RAD51B: variants seen among roughly 807,000 people sequenced by gnomAD.
RAD51B encodes RAD51 paralog B.
A neutral mutation model predicts 42.2 loss-of-function variants in RAD51B; 38 were observed. The observed-to-expected ratio is 0.90, with a 90% CI of 0.70 to 1.18. The LOEUF (loss-of-function observed/expected upper bound fraction) is 1.18, where lower values mean the gene tolerates loss of function less well. RAD51B is among the 50% of genes most tolerant of loss of function. RAD51B has a pLI of 0.00. For synonymous variants in RAD51B, 154 were observed against 145.2 expected (o/e 1.06, Z -0.43); for missense variants, 373 against 400.7 (o/e 0.93, Z 0.59).
chr14:68,269,762 C>T (rs2081068893), intron 7 of RAD51B, among the ~76,000 whole-genome samples: 1 of 152,324 alleles, frequency 6.6e-6, no homozygotes, highest in South Asian at 2.1e-4. Context: ...AGCGGTTGCT[C>T]AGTAAACACA....
intron 8 of RAD51B, among the ~76,000 whole-genome samples, chr14:68,395,239 G>C (rs2083881712): frequency 6.6e-6 from 1 of 152,096 alleles, no homozygotes; most frequent in Non-Finnish European, 1.5e-5. Flanking sequence ...TATGAAATTA[G>C]CCTCTCTTAA....
chr14:68,315,159 A>G (rs2082030406), intron 8 of RAD51B, among the ~76,000 whole-genome samples: 1 of 152,236 alleles, frequency 6.6e-6, no homozygotes, highest in Non-Finnish European at 1.5e-5. Flanking sequence ...GGAAGAAGGA[A>G]TGCATATTCT....
chr14:68,657,273 G>A lies in RAD51B; in HGVS notation c.*11+6417G>A, dbSNP rs147384800. Among the ~76,000 whole-genome samples the A allele has an allele frequency of 6.8e-3, 1,041 of 152,262 alleles. 3 individuals carry two copies. Among genetic ancestry groups the A allele is most frequent in the Middle Eastern group, 0.041 (12 of 294 alleles). On this transcript the variant is annotated intron_variant, in intron 11 of 11. Coordinates refer to the RAD51B transcript ENST00000488612. Reference sequence around the variant, plus strand: ...CAGAGATCTAGGTTCAAATCCTGACGCTGCAGCTGAAACTTAGCACTTCAT... The same window carrying A: ...CAGAGATCTAGGTTCAAATCCTGACACTGCAGCTGAAACTTAGCACTTCAT...
chr14:68,579,043 C>A (rs1214426770), intron 10 of RAD51B, among the ~76,000 whole-genome samples: 1 of 152,118 alleles, frequency 6.6e-6, no homozygotes, highest in African/African-American at 2.4e-5. Flanking sequence ...CACAGTAGGG[C>A]CCAGAAGGGT....
At chr14:68,325,587 TA>T (rs199765729) in intron 8 of RAD51B, among the ~76,000 whole-genome samples, 1,391 of 137,992 alleles carry the variant, frequency 0.01, 22 homozygotes, top group African/African-American at 0.032. Context: ...TTTTTTTTTT[TA>T]AAAAGAGTTG....
intron 8 of RAD51B, among the ~76,000 whole-genome samples, chr14:68,404,114 C>A (rs1212320046): frequency 1.3e-5 from 2 of 152,154 alleles, no homozygotes; most frequent in Non-Finnish European, 2.9e-5. Flanking sequence ...ACAGAGACTT[C>A]TACAGGCTCA....
rs574292513 is a variant in RAD51B at position 67,843,431 on chromosome 14, A to G, written c.315+8235A>G. 11 of 152,178 alleles carry G rather than the reference A, an allele frequency of 7.2e-5. No homozygotes were observed. In the East Asian group the frequency reaches 1.2e-3, roughly 16 times the overall value. The allele number at this position is 152,178 out of a possible 1,614,324, so 9.4% of individuals were successfully genotyped here. Reference sequence around the variant, plus strand: ...TTGGAACATTGTCAGTAGGAATGGTATAAGTGCTTCTTTGTACATCTGGTA... The same window carrying G: ...TTGGAACATTGTCAGTAGGAATGGTGTAAGTGCTTCTTTGTACATCTGGTA... On this transcript the variant is annotated intron_variant, in intron 4 of 10. Coordinates refer to ENST00000471583, the MANE Select transcript of RAD51B (RefSeq NM_133510.4).
intron 7 of RAD51B, among the ~76,000 whole-genome samples, chr14:68,117,840 A>T (rs1839986990): frequency 6.6e-6 from 1 of 152,224 alleles, no homozygotes; most frequent in African/African-American, 2.4e-5. Flanking sequence ...CTTTACACTA[A>T]TCCAACGATG....
chr14:68,516,523 G>T (rs1594934396), intron 10 of RAD51B, among the ~76,000 whole-genome samples: 2 of 152,164 alleles, frequency 1.3e-5, no homozygotes, highest in Admixed American at 1.3e-4. Flanking sequence ...TAGTTATTTT[G>T]TTGGAAAAGG....
chr14:68,674,128 T>TAC (rs763722428), intron 11 of RAD51B, among the ~76,000 whole-genome samples: 1 of 151,944 alleles, frequency 6.6e-6, no homozygotes, highest in Non-Finnish European at 1.5e-5. Flanking sequence ...CATACACACA[T>TAC]ACACACACAT....
At chr14:68,121,750 T>C (rs954681215) in intron 7 of RAD51B, among the ~76,000 whole-genome samples, 1 of 152,078 alleles carries the variant, frequency 6.6e-6, no homozygotes, top group African/African-American at 2.4e-5. Context: ...GTGATTCAAC[T>C]AAAAAATTTA....
At chr14:68,441,541 CAAAA>C (rs67477807) in intron 9 of RAD51B, among the ~76,000 whole-genome samples, 101 of 68,038 alleles carry the variant, frequency 1.5e-3, no homozygotes, top group African/African-American at 5.7e-3. Context: ...GACTCCATCT[CAAAA>C]AAAAAAAAAA....
chr14:68,348,453 G>A (rs1202922182), intron 8 of RAD51B, among the ~76,000 whole-genome samples: 1 of 152,128 alleles, frequency 6.6e-6, no homozygotes, highest in African/African-American at 2.4e-5. Context: ...TGTGCTCTCA[G>A]GTTAAAATGG....
chr14:68,343,008 A>G (rs926343551), intron 8 of RAD51B, among the ~76,000 whole-genome samples: 10 of 151,760 alleles, frequency 6.6e-5, no homozygotes, highest in African/African-American at 2.4e-4. Context: ...TTATTTTTAA[A>G]TTTAAAATTG....
intron 9 of RAD51B, among the ~76,000 whole-genome samples, chr14:68,453,605 T>C (rs1008473085): frequency 1.3e-5 from 2 of 152,156 alleles, no homozygotes; most frequent in African/African-American, 4.8e-5. Context: ...AGACAAAGCA[T>C]AGGACAAAAA....
At chr14:67,851,772 G>A (rs1416141950) in intron 4 of RAD51B, among the ~76,000 whole-genome samples, 1 of 152,142 alleles carries the variant, frequency 6.6e-6, no homozygotes, top group East Asian at 1.9e-4. Context: ...GGGTACTGCA[G>A]CAGCTGCAGT....
intron 7 of RAD51B, among the ~76,000 whole-genome samples, chr14:68,051,525 T>G (rs1054667986): frequency 2.0e-5 from 3 of 152,188 alleles, no homozygotes; most frequent in Non-Finnish European, 4.4e-5. Context: ...TAGGTGAATT[T>G]TCACATTTTT....
At chr14:67,824,993 G>A (rs962621333) in intron 2 of RAD51B, among the ~76,000 whole-genome samples, 1 of 144,402 alleles carries the variant, frequency 6.9e-6, no homozygotes, top group Non-Finnish European at 1.5e-5. Context: ...CAGAAGAATC[G>A]CTTGAACCCA....
intron 4 of RAD51B, among the ~76,000 whole-genome samples, chr14:67,862,571 C>A (rs1168542629): frequency 6.6e-6 from 1 of 152,080 alleles, no homozygotes; most frequent in Non-Finnish European, 1.5e-5. Context: ...TTGAAAAATG[C>A]AAGTAGTAAT....
Sources: allele counts gnomAD v4.1 joint callset (sites outside exome capture counted in the v4.1 genomes callset), GRCh38; gene constraint gnomAD v4.1.1; transcripts MANE v1.5; gene names NCBI Gene and HGNC (gene_info 2026-07-23, HGNC 2026-07-21).